The following STXBP5L variants were observed in gnomAD, a reference collection of about 807,000 sequenced individuals.
The protein encoded by STXBP5L is syntaxin-binding protein 5-like.
In STXBP5L, 65 loss-of-function variants were observed where a neutral mutation model predicts 144.5. The ratio of observed to expected loss-of-function variants is 0.45; its 90% CI spans 0.37 to 0.55. The LOEUF is 0.55. Among genes scored for constraint, STXBP5L ranks in the 20% least tolerant of loss-of-function variants. The pLI, the probability that STXBP5L is intolerant of heterozygous loss-of-function variation, is 0.00. For synonymous variants in STXBP5L, 505 were observed against 469.6 expected, an observed-to-expected ratio of 1.08 and a Z score of -0.97; for missense variants, 1,298 against 1,405.5, an observed-to-expected ratio of 0.92 and a Z score of 1.22.
At chr3:121,162,024 A>T (rs2046339996) in intron 9 of STXBP5L, among the ~76,000 whole-genome samples, 1 of 152,208 alleles carries the variant, frequency 6.6e-6, no homozygotes, top group Admixed American at 6.5e-5. Flanking sequence ...AAACTATTAC[A>T]TGTAACAGTA....
At chr3:121,207,337 T>C (rs1487139895) in intron 10 of STXBP5L, among the ~76,000 whole-genome samples, 2 of 152,128 alleles carry the variant, frequency 1.3e-5, no homozygotes, top group Non-Finnish European at 2.9e-5. Context: ...TAATTCACGG[T>C]GGATTAAAGA....
At chr3:121,051,403 A>C (rs1345983627) in intron 5 of STXBP5L, among the ~76,000 whole-genome samples, 1 of 152,228 alleles carries the variant, frequency 6.6e-6, no homozygotes. Flanking sequence ...ACAACAGTGC[A>C]ATCAAACTAG....
rs570203208 is a variant in STXBP5L at position 121,355,915 on chromosome 3, G to C, written c.2177-22801G>C. Among the ~76,000 whole-genome samples, 14 of 152,298 alleles carry C rather than the reference G, an allele frequency of 9.2e-5. No homozygotes were observed. In the South Asian group the frequency reaches 2.9e-3, roughly 32 times the overall value. On this transcript the variant is annotated intron_variant, in intron 20 of 26. Coordinates refer to ENST00000471454, the MANE Select transcript of STXBP5L (RefSeq NM_001308330.2). ...GTTGATGTTGATGCTATTCCTTTCT[G>C]TTTGTTAGTTTTCCTTCTAACAGTC...
intron 20 of STXBP5L, among the ~76,000 whole-genome samples, chr3:121,342,465 T>C (rs565043018): frequency 6.6e-6 from 1 of 151,580 alleles, no homozygotes; most frequent in South Asian, 2.1e-4. Context: ...TCATTTAGCA[T>C]TAGGTATATC....
chr3:121,314,477 CGCAGGCACTCG>C (rs1262955323), intron 19 of STXBP5L, among the ~76,000 whole-genome samples: 1 of 142,696 alleles, frequency 7.0e-6, no homozygotes, highest in African/African-American at 2.6e-5. Flanking sequence ...CGCCTGCAAT[CGCAGGCACTCG>C]GCAGGCTGAG....
chr3:121,096,456 A>G (rs1455877886), intron 5 of STXBP5L, among the ~76,000 whole-genome samples: 1 of 152,098 alleles, frequency 6.6e-6, no homozygotes, highest in African/African-American at 2.4e-5. Flanking sequence ...TGGAATTTTC[A>G]GCCACTTTGC....
intron 5 of STXBP5L, among the ~76,000 whole-genome samples, chr3:121,094,315 C>T (rs1487751484): frequency 6.6e-6 from 1 of 152,070 alleles, no homozygotes; most frequent in Non-Finnish European, 1.5e-5. Context: ...GAGTCCAATT[C>T]CTGGGTATCC....
chr3:121,365,280 T>C (rs992741786), intron 20 of STXBP5L, among the ~76,000 whole-genome samples: 2 of 151,858 alleles, frequency 1.3e-5, no homozygotes, highest in Admixed American at 1.3e-4. Context: ...GCCTTATAGA[T>C]TGAGTTAGAA....
At chr3:121,276,538 G>T (rs1199399324) in intron 18 of STXBP5L, among the ~76,000 whole-genome samples, 1 of 151,668 alleles carries the variant, frequency 6.6e-6, no homozygotes, top group Non-Finnish European at 1.5e-5. Context: ...ACCCATTTAT[G>T]TGAGTGATGA....
intron 3 of STXBP5L, among the ~76,000 whole-genome samples, chr3:121,003,869 A>C (rs893873887): frequency 1.3e-5 from 2 of 152,000 alleles, no homozygotes; most frequent in Admixed American, 6.6e-5. Context: ...TTGAAGATAT[A>C]TGGCATTATT....
chr3:121,069,542 T>C (rs188104983), intron 5 of STXBP5L, among the ~76,000 whole-genome samples: 62 of 152,264 alleles, frequency 4.1e-4, no homozygotes, highest in African/African-American at 1.5e-3. Context: ...TGACATTTGT[T>C]TACATTTATA....
At chr3:121,223,443 T>A (rs961075840) in intron 11 of STXBP5L, among the ~76,000 whole-genome samples, 18 of 152,072 alleles carry the variant, frequency 1.2e-4, no homozygotes, top group Admixed American at 1.0e-3. Context: ...CAGGGTGAAA[T>A]CACTTGGGGA....
chr3:120,964,484 T>C (rs1202439162), intron 3 of STXBP5L, among the ~76,000 whole-genome samples: 1 of 152,226 alleles, frequency 6.6e-6, no homozygotes, highest in African/African-American at 2.4e-5. Flanking sequence ...TTTGTTCTCA[T>C]TGGTTTCAAA....
intron 3 of STXBP5L, among the ~76,000 whole-genome samples, chr3:120,965,414 C>G (rs923482548): frequency 6.6e-6 from 1 of 152,120 alleles, no homozygotes; most frequent in Non-Finnish European, 1.5e-5. Context: ...GTGGCTGATA[C>G]TGGTTGTTTC....
intron 22 of STXBP5L, among the ~76,000 whole-genome samples, chr3:121,390,120 G>C (rs151151130): frequency 2.0e-5 from 3 of 152,278 alleles, no homozygotes; most frequent in African/African-American, 7.2e-5. Context: ...TTGTTGAGTT[G>C]ATCCCTTTAC....
chr3:120,946,692 A>G (rs1710875806), intron 2 of STXBP5L, among the ~76,000 whole-genome samples: 1 of 151,714 alleles, frequency 6.6e-6, no homozygotes, highest in East Asian at 1.9e-4. Context: ...TGCTTTGCCA[A>G]AGTACTGCTG....
chr3:121,036,565 C>G lies in STXBP5L; in HGVS notation c.288-5135C>G, dbSNP rs189875095. ...GATGATTCTTGCTTTATTCATTATCCTAGGTAGAAAGTATTGTTCCTCTTG... is the reference window on the plus strand; with the variant it reads ...GATGATTCTTGCTTTATTCATTATCGTAGGTAGAAAGTATTGTTCCTCTTG... On this transcript the variant is annotated intron_variant, in intron 3 of 26. Coordinates refer to ENST00000471454, the MANE Select transcript of STXBP5L (RefSeq NM_001308330.2). Among the ~76,000 whole-genome samples, 14 of 151,966 alleles carry G rather than the reference C, an allele frequency of 9.2e-5. No homozygotes were observed. In the East Asian group the frequency reaches 1.6e-3, roughly 17 times the overall value.
At chr3:121,329,326 C>A (rs13073342) in intron 20 of STXBP5L, among the ~76,000 whole-genome samples, 1 of 152,274 alleles carries the variant, frequency 6.6e-6, no homozygotes, top group South Asian at 2.1e-4. Context: ...CCTAAGGATA[C>A]CTGGAGGTGT....
intron 3 of STXBP5L, among the ~76,000 whole-genome samples, chr3:121,040,512 C>T (rs1947070950): frequency 6.6e-6 from 1 of 151,988 alleles, no homozygotes; most frequent in African/African-American, 2.4e-5. Flanking sequence ...TTGTTCTTTC[C>T]TCAGTCTCAG....
Sources: gnomAD v4.1 joint callset for allele counts (sites outside exome capture counted in the v4.1 genomes callset) on GRCh38, gnomAD v4.1.1 for gene constraint, MANE v1.5 for transcripts, NCBI Gene and HGNC (gene_info 2026-07-23, HGNC 2026-07-21) for gene names.